Variants in NBEA observed in about 807,000 individuals in gnomAD.
The protein encoded by NBEA is neurobeachin, also known as lysosomal-trafficking regulator 2.
In NBEA, 44 loss-of-function variants were observed where a neutral mutation model predicts 343.4. The observed-to-expected ratio is 0.13, with a 90% CI of 0.10 to 0.16. The LOEUF is 0.16. Ranked by LOEUF, NBEA falls within the 10% of genes least tolerant of loss-of-function variation. The pLI, the probability that NBEA is intolerant of heterozygous loss-of-function variation, is 1.00. For missense variants in NBEA, 2,555 were observed against 3,631.3 expected, an observed-to-expected ratio of 0.70 and a Z score of 7.62; for synonymous variants, 1,175 against 1,238.7, an observed-to-expected ratio of 0.95 and a Z score of 1.08.
chr13:35,289,144 A>G (rs920852763), intron 34 of NBEA, among the ~76,000 whole-genome samples: 1 of 151,846 alleles, frequency 6.6e-6, no homozygotes, highest in Non-Finnish European at 1.5e-5. Flanking sequence ...GGCATTTGAG[A>G]CTGTTTATTG....
At chr13:35,481,430 G>A (rs1172548544) in intron 41 of NBEA, among the ~76,000 whole-genome samples, 1 of 151,668 alleles carries the variant, frequency 6.6e-6, no homozygotes, top group African/African-American at 2.4e-5. Flanking sequence ...CAGAGGTACA[G>A]GATGTTTTCA....
chr13:35,280,319 C>T (rs944563089), intron 34 of NBEA, among the ~76,000 whole-genome samples: 2 of 152,044 alleles, frequency 1.3e-5, no homozygotes, highest in South Asian at 4.1e-4. Context: ...TACATCCTCT[C>T]ATGAGTAAAA....
At chr13:35,297,357 T>C (rs566059250) in intron 35 of NBEA, among the ~76,000 whole-genome samples, 5 of 152,186 alleles carry the variant, frequency 3.3e-5, no homozygotes, top group Non-Finnish European at 5.9e-5. Flanking sequence ...TATGTTTTAA[T>C]TGGATGCTCT....
At chr13:35,547,931 G>GTGT (rs113296957) in intron 41 of NBEA, among the ~76,000 whole-genome samples, 5,777 of 152,016 alleles carry the variant, frequency 0.038, 397 homozygotes, top group African/African-American at 0.13. Flanking sequence ...TTTATGGGAG[G>GTGT]TGTCCCAACA....
chr13:35,270,986 G>C (rs1435564050), intron 34 of NBEA, among the ~76,000 whole-genome samples: 1 of 152,224 alleles, frequency 6.6e-6, no homozygotes, highest in African/African-American at 2.4e-5. Flanking sequence ...CAGCACCGAA[G>C]AGAGCAGTGG....
In NBEA at chr13:34,942,613, A is replaced by C; in HGVS notation, c.-208A>C. 19 of 273,130 alleles carry C rather than the reference A, an allele frequency of 7.0e-5. No homozygotes were observed. The highest frequency in any genetic ancestry group is 7.5e-5 in the Non-Finnish European group (11 of 147,052). The allele number at this position is 273,130 out of a possible 1,614,324, so 16.9% of individuals were successfully genotyped here. Reference sequence around the variant, plus strand: ...GTTAGCGGTACCGCCACCGCCGAGAATAAGCCTGCGGATCCCCCGCCGCCT... The same window carrying C: ...GTTAGCGGTACCGCCACCGCCGAGACTAAGCCTGCGGATCCCCCGCCGCCT... On this transcript the variant is annotated 5_prime_UTR_variant, in exon 1 of 59. Transcript: ENST00000379939.
At chr13:35,087,100 G>A (rs760502990) in intron 10 of NBEA, among the ~76,000 whole-genome samples, 1 of 151,466 alleles carries the variant, frequency 6.6e-6, no homozygotes, top group African/African-American at 2.4e-5. Context: ...AACACAAATT[G>A]TCTCTTCACT....
chr13:35,107,669 C>G (rs1846613936), intron 11 of NBEA, among the ~76,000 whole-genome samples: 1 of 151,782 alleles, frequency 6.6e-6, no homozygotes. Flanking sequence ...TTTTTTTCTT[C>G]AATTTTGCTA....
intron 38 of NBEA, among the ~76,000 whole-genome samples, chr13:35,402,946 G>T (rs771394272): frequency 6.6e-6 from 1 of 152,000 alleles, no homozygotes; most frequent in African/African-American, 2.4e-5. Flanking sequence ...TTCTTAAAAA[G>T]TGATGCTTTT....
chr13:35,223,159 A>G (rs1338061858), intron 33 of NBEA, among the ~76,000 whole-genome samples: 2 of 152,088 alleles, frequency 1.3e-5, no homozygotes, highest in African/African-American at 2.4e-5. Context: ...TAAACAGTAC[A>G]CTGCTATTTT....
intron 33 of NBEA, among the ~76,000 whole-genome samples, chr13:35,231,613 T>C (rs1043944092): frequency 1.3e-5 from 2 of 152,120 alleles, no homozygotes; most frequent in Non-Finnish European, 2.9e-5. Context: ...TGAACATTAT[T>C]GACCTCTCAC....
intron 10 of NBEA, among the ~76,000 whole-genome samples, chr13:35,081,426 T>C (rs2064389238): frequency 6.6e-6 from 1 of 152,166 alleles, no homozygotes; most frequent in African/African-American, 2.4e-5. Context: ...TGGATTTACT[T>C]AGCTATCTTG....
intron 41 of NBEA, among the ~76,000 whole-genome samples, chr13:35,494,707 G>C (rs2076613430): frequency 6.6e-6 from 1 of 151,918 alleles, no homozygotes; most frequent in Non-Finnish European, 1.5e-5. Context: ...AATGTAAATG[G>C]ATTAAACAGT....
At chr13:35,505,824 A>T (rs916200584) in intron 41 of NBEA, among the ~76,000 whole-genome samples, 9 of 152,158 alleles carry the variant, frequency 5.9e-5, no homozygotes, top group Non-Finnish European at 1.2e-4. Context: ...TTGATTTTAA[A>T]TTAATTAGAT....
chr13:35,113,197 G>C (rs527376002), intron 13 of NBEA, among the ~76,000 whole-genome samples: 1 of 152,188 alleles, frequency 6.6e-6, no homozygotes, highest in African/African-American at 2.4e-5. Flanking sequence ...GTTTGTTCAT[G>C]ATGATTCAGG....
chr13:35,177,832 A>G (rs2071022482), intron 28 of NBEA, among the ~76,000 whole-genome samples: 2 of 151,776 alleles, frequency 1.3e-5, no homozygotes, highest in Admixed American at 1.3e-4. Context: ...TATGAAATGT[A>G]GAAGAAAGTT....
At chr13:35,562,182 T>A (rs2153022368) in intron 44 of NBEA, among the ~76,000 whole-genome samples, 1 of 152,208 alleles carries the variant, frequency 6.6e-6, no homozygotes, top group Non-Finnish European at 1.5e-5. Context: ...TGGCAAAATT[T>A]CTTTAACTAT....
intron 55 of NBEA, among the ~76,000 whole-genome samples, chr13:35,657,210 G>GC (rs1467504609): frequency 6.6e-6 from 1 of 152,184 alleles, no homozygotes; most frequent in East Asian, 1.9e-4. Context: ...TATTCCTGTT[G>GC]CCCATAGCTA....
chr13:35,110,742 A>G, intron 12 of NBEA, 68 bp from the exon 13 acceptor site: 5 of 1,262,780 alleles, frequency 4.0e-6, no homozygotes, highest in Non-Finnish European at 5.5e-6. Flanking sequence ...TTAAAACTGA[A>G]TGTATATAAT....
Sources: allele counts gnomAD v4.1 joint callset (sites outside exome capture counted in the v4.1 genomes callset), GRCh38; gene constraint gnomAD v4.1.1; transcripts MANE v1.5; gene names NCBI Gene and HGNC (gene_info 2026-07-23, HGNC 2026-07-21).